The following PRH1 variants were observed in gnomAD, a reference collection of about 807,000 sequenced individuals.
PRH1 encodes the protein proline rich protein HaeIII subfamily 1.
Under a neutral mutation model 7.9 loss-of-function variants are expected in PRH1, and 7 were observed. The ratio of observed to expected loss-of-function variants is 0.89; its 90% CI spans 0.50 to 1.67. The LOEUF is 1.67. Among genes scored for constraint, PRH1 ranks in the 40% most tolerant of loss-of-function variants. The probability of loss-of-function intolerance (pLI) is 0.00; values close to 1 mark genes in which losing one functional copy is unlikely to be tolerated. For synonymous variants in PRH1, 45 were observed against 80.8 expected (o/e 0.56, Z 2.38); for missense variants, 109 against 223.6 (o/e 0.49, Z 3.27).
intron 2 of PRH1, among the ~76,000 whole-genome samples, chr12:10,972,824 T>C (rs954677767): frequency 6.6e-6 from 1 of 152,042 alleles, no homozygotes; most frequent in African/African-American, 2.4e-5. Flanking sequence ...CAAGATTTTT[T>C]TGGGAACCCC....
intron 1 of PRH1, among the ~76,000 whole-genome samples, chr12:11,024,378 C>T (rs1411397951): frequency 6.6e-6 from 1 of 152,238 alleles, no homozygotes; most frequent in Non-Finnish European, 1.5e-5. Context: ...CTCAATGCCA[C>T]TTTCTAATTC....
rs774022236 is a variant in PRH1 at position 11,062,035 on chromosome 12, A to ACC, written n.124-14848_124-14847insGG. ...GCTGAAATGGTTGATTACTGCCCAG[A>ACC]CATTGTAAGCAGTAATTCTTACTTC... is the stretch of plus-strand genomic sequence containing the variant. On this transcript the variant is annotated intron_variant and non_coding_transcript_variant, in intron 1 of 4. Coordinates refer to the PRH1 transcript ENST00000541977. The ACC allele has an allele frequency of 8.1e-4, 1,288 of 1,586,328 alleles. 13 individuals carry two copies. The highest frequency in any genetic ancestry group is 4.5e-3 in the East Asian group (194 of 42,948).
chr12:11,130,293 C>T (rs1283881465), intron 1 of PRH1, among the ~76,000 whole-genome samples: 1 of 152,134 alleles, frequency 6.6e-6, no homozygotes, highest in Non-Finnish European at 1.5e-5. Flanking sequence ...CAGGGACCGA[C>T]AACATAGGTG....
At chr12:11,048,117 C>T (rs1239276962), upstream of PRH1, among the ~76,000 whole-genome samples, 1 of 151,052 alleles carries the variant, frequency 6.6e-6, no homozygotes, top group East Asian at 1.9e-4. Context: ...GTTATTCACA[C>T]ACATGCACAC....
Position 11,022,315 on chromosome 12 carries a change from T to C in PRH1, c.-126+24705A>G, listed in dbSNP as rs140712722. The stretch of plus-strand genomic sequence containing the variant: ...GAAATGGTTCGTTACAGCCCAGGCA[T>C]TAGAAGCAACAATTCTTACTTCTAA... On this transcript the variant is annotated intron_variant, in intron 1 of 3. Coordinates refer to the PRH1 transcript ENST00000539853. The C allele has an allele frequency of 1.9e-5, 30 of 1,614,060 alleles. No homozygotes were observed. In the African/African-American group the frequency reaches 3.6e-4, roughly 19 times the overall value.
intron 1 of PRH1, among the ~76,000 whole-genome samples, chr12:11,152,357 T>C (rs1271354136): frequency 1.3e-5 from 2 of 151,818 alleles, no homozygotes; most frequent in South Asian, 2.1e-4. Flanking sequence ...AAAATTTCTT[T>C]CATTATTTTT....
intron 2 of PRH1, among the ~76,000 whole-genome samples, chr12:10,919,833 T>C (rs1438055337): frequency 6.6e-6 from 1 of 152,004 alleles, no homozygotes; most frequent in Non-Finnish European, 1.5e-5. Context: ...CCTTCATTGT[T>C]TTGATTTTTT....
intron 1 of PRH1, among the ~76,000 whole-genome samples, chr12:11,149,888 C>A (rs1352228404): frequency 7.2e-6 from 1 of 138,084 alleles, no homozygotes; most frequent in Non-Finnish European, 1.6e-5. Context: ...AGGCAACCTA[C>A]AGAATGGGAG....
intron 1 of PRH1, chr12:11,133,201 A>G (rs1163194570): frequency 8.9e-6 from 12 of 1,353,754 alleles, no homozygotes; most frequent in Non-Finnish European, 1.1e-5. Flanking sequence ...CTAGGTATAC[A>G]TGTGGAAATT....
intron 2 of PRH1, among the ~76,000 whole-genome samples, chr12:10,914,220 A>G (rs556599925): frequency 1.1e-4 from 16 of 152,348 alleles, no homozygotes; most frequent in African/African-American, 3.6e-4. Context: ...AATTGAATAT[A>G]TTAATGGTTC....
At chr12:10,986,308 A>G (rs1454671640) in intron 1 of PRH1, 1 of 1,614,064 alleles carries the variant, frequency 6.2e-7, no homozygotes, top group Admixed American at 1.7e-5. Flanking sequence ...AAGGGTATGA[A>G]GCTCCATAGG....
intron 2 of PRH1, among the ~76,000 whole-genome samples, chr12:10,918,535 T>C (rs186078241): frequency 2.8e-4 from 42 of 152,274 alleles, no homozygotes; most frequent in Non-Finnish European, 4.3e-4. Flanking sequence ...GTCGTAGAAA[T>C]GGGTGAAGTC....
intron 2 of PRH1, among the ~76,000 whole-genome samples, chr12:10,901,962 A>G (rs984331201): frequency 6.6e-5 from 10 of 152,158 alleles, no homozygotes; most frequent in African/African-American, 2.4e-4. Context: ...AAGTGAATGT[A>G]ATGAAATCAA....
At chr12:11,151,273 CTT>C (rs66683210) in intron 1 of PRH1, among the ~76,000 whole-genome samples, 50 of 146,742 alleles carry the variant, frequency 3.4e-4, no homozygotes, top group East Asian at 4.0e-4. Flanking sequence ...GTCATCCTTG[CTT>C]TTTTTTTTTT....
At chr12:11,019,165 T>C (rs1941456331) in intron 1 of PRH1, among the ~76,000 whole-genome samples, 1 of 152,390 alleles carries the variant, frequency 6.6e-6, no homozygotes, top group South Asian at 2.1e-4. Flanking sequence ...AGAAGACAGC[T>C]AGGATACATT....
intron 2 of PRH1, among the ~76,000 whole-genome samples, chr12:10,924,331 C>T (rs943750493): frequency 6.6e-6 from 1 of 152,182 alleles, no homozygotes; most frequent in African/African-American, 2.4e-5. Flanking sequence ...TATAACAAAT[C>T]ATTCCCCAAA....
intron 1 of PRH1, among the ~76,000 whole-genome samples, chr12:11,160,917 G>A (rs1328786201): frequency 1.3e-5 from 2 of 152,094 alleles, no homozygotes; most frequent in African/African-American, 4.8e-5. Context: ...CATTTGTATG[G>A]CTATTTTAAG....
intron 1 of PRH1, among the ~76,000 whole-genome samples, chr12:11,023,069 T>C (rs188590006): frequency 3.5e-4 from 53 of 152,326 alleles, no homozygotes; most frequent in Admixed American, 5.9e-4. Flanking sequence ...ATCATACCAA[T>C]ATGGACTTAT....
At chr12:11,099,376 A>AGGC (rs1565652613) in intron 1 of PRH1, among the ~76,000 whole-genome samples, 2 of 131,892 alleles carry the variant, frequency 1.5e-5, no homozygotes, top group East Asian at 9.1e-4. Flanking sequence ...TATCTCCAAG[A>AGGC]TGCCGAATTT....
Sources: gnomAD v4.1 joint callset for allele counts (sites outside exome capture counted in the v4.1 genomes callset) on GRCh38, gnomAD v4.1.1 for gene constraint, MANE v1.5 for transcripts, NCBI Gene and HGNC (gene_info 2026-07-23, HGNC 2026-07-21) for gene names.